RBFOX1: variants seen among roughly 807,000 people sequenced by gnomAD.
RBFOX1 encodes RNA binding fox-1 homolog 1.
In RBFOX1, 8 loss-of-function variants were observed where a neutral mutation model predicts 57.7. The observed-to-expected ratio is 0.14, with a 90% CI of 0.08 to 0.25. RBFOX1 has a LOEUF of 0.25. Among genes scored for constraint, RBFOX1 ranks in the 10% least tolerant of loss-of-function variants. The probability of loss-of-function intolerance (pLI) is 1.00; values close to 1 mark genes in which losing one functional copy is unlikely to be tolerated. For synonymous variants in RBFOX1, 326 were observed against 222.4 expected (o/e 1.47, Z -4.15); for missense variants, 611 against 548.5 (o/e 1.11, Z -1.14).
intron 3 of RBFOX1, among the ~76,000 whole-genome samples, chr16:5,818,214 C>G (rs1435357053): frequency 6.6e-6 from 1 of 152,184 alleles, no homozygotes; most frequent in Non-Finnish European, 1.5e-5. Flanking sequence ...CTGTATCTGA[C>G]TCAATGGTGC....
intron 4 of RBFOX1, among the ~76,000 whole-genome samples, chr16:7,505,471 G>C (rs775871690): frequency 3.3e-5 from 5 of 152,178 alleles, no homozygotes; most frequent in Non-Finnish European, 1.5e-5. Context: ...CATTTTTTAA[G>C]GGCTAAGCAC....
intron 2 of RBFOX1, among the ~76,000 whole-genome samples, chr16:6,510,214 G>A (rs1468377271): frequency 6.6e-6 from 1 of 152,212 alleles, no homozygotes; most frequent in Admixed American, 6.5e-5. Context: ...TAGCCCCTTT[G>A]TCTCATGTGG....
intron 4 of RBFOX1, among the ~76,000 whole-genome samples, chr16:7,512,584 C>G (rs549171066): frequency 7.2e-5 from 11 of 152,162 alleles, no homozygotes; most frequent in Non-Finnish European, 1.5e-4. Context: ...ATCTGGAGTC[C>G]CATGTTCCTG....
At chr16:5,791,539 G>A (rs1057251938) in intron 3 of RBFOX1, among the ~76,000 whole-genome samples, 4 of 152,090 alleles carry the variant, frequency 2.6e-5, no homozygotes, top group African/African-American at 9.7e-5. Context: ...TAACTGACAG[G>A]CAGGCAGCAC....
intron 2 of RBFOX1, chr16:6,483,296 GC>G: frequency 7.2e-7 from 1 of 1,389,600 alleles, no homozygotes; most frequent in East Asian, 2.8e-5. Context: ...CGGGCTGCTC[GC>G]TCTCGCGCCC....
At chr16:5,951,860 G>A (rs1953755108) in intron 4 of RBFOX1, among the ~76,000 whole-genome samples, 1 of 151,958 alleles carries the variant, frequency 6.6e-6, no homozygotes, top group African/African-American at 2.4e-5. Flanking sequence ...GCGCGTGTGT[G>A]TGTGTATATA....
chr16:5,381,411 T>C (rs554792337), intron 1 of RBFOX1, among the ~76,000 whole-genome samples: 1 of 152,328 alleles, frequency 6.6e-6, no homozygotes, highest in Non-Finnish European at 1.5e-5. Context: ...AACAGGCACA[T>C]AAATCACTTG....
At chr16:6,199,689 T>C (rs543093315) in intron 1 of RBFOX1, among the ~76,000 whole-genome samples, 15 of 152,318 alleles carry the variant, frequency 9.8e-5, no homozygotes, top group South Asian at 2.1e-4. Context: ...TCAAACTTCT[T>C]TGGGGAGAGA....
At chr16:7,124,842 T>C (rs866130573) in intron 4 of RBFOX1, among the ~76,000 whole-genome samples, 1 of 152,100 alleles carries the variant, frequency 6.6e-6, no homozygotes, top group Admixed American at 6.5e-5. Context: ...TGTATGACTC[T>C]GATTCATAAA....
At chr16:6,605,313 C>G (rs1227185528) in intron 2 of RBFOX1, among the ~76,000 whole-genome samples, 1 of 152,160 alleles carries the variant, frequency 6.6e-6, no homozygotes, top group Non-Finnish European at 1.5e-5. Flanking sequence ...CTATACTTCA[C>G]CTTCCCAACA....
chr16:7,701,120 C>G (rs746213526), intron 14 of RBFOX1, among the ~76,000 whole-genome samples: 3 of 150,190 alleles, frequency 2.0e-5, no homozygotes, highest in African/African-American at 7.6e-5. Context: ...TGAAGTTAAG[C>G]GCTTTAAAGA....
intron 3 of RBFOX1, among the ~76,000 whole-genome samples, chr16:5,796,138 T>A (rs2054870296): frequency 2.0e-5 from 3 of 152,152 alleles, no homozygotes. Flanking sequence ...TTTTGGAAGG[T>A]CATAAGCAGC....
At chr16:5,456,139 G>T (rs556487072) in intron 1 of RBFOX1, among the ~76,000 whole-genome samples, 2 of 151,888 alleles carry the variant, frequency 1.3e-5, no homozygotes, top group East Asian at 1.9e-4. Context: ...TTAACATGAG[G>T]TTATGCTATC....
intron 4 of RBFOX1, among the ~76,000 whole-genome samples, chr16:7,238,124 G>A (rs1214715395): frequency 6.6e-6 from 1 of 152,146 alleles, no homozygotes; most frequent in Non-Finnish European, 1.5e-5. Flanking sequence ...TATATGAGGT[G>A]CCCATAGTTG....
At chr16:6,741,284 T>A (rs1603485312) in intron 3 of RBFOX1, among the ~76,000 whole-genome samples, 1 of 152,046 alleles carries the variant, frequency 6.6e-6, no homozygotes, top group Non-Finnish European at 1.5e-5. Flanking sequence ...TTTCAGGCAA[T>A]CCTATAGGAA....
rs576762258 is a variant in RBFOX1, at chr16:5,728,209, G to A, written c.318+129248G>A. ...GCCAAGATATACAAACAACTTAAGTGTCCATTGACAGAGAACGAATACAGA... is the reference window on the plus strand; with the variant it reads ...GCCAAGATATACAAACAACTTAAGTATCCATTGACAGAGAACGAATACAGA... On this transcript the variant is annotated intron_variant, in intron 3 of 19. Transcript: ENST00000641259. Among the ~76,000 whole-genome samples the A allele has an allele frequency of 3.3e-5, 5 of 152,334 alleles. No individual in the cohort carries two copies. In the South Asian group the frequency reaches 1.0e-3, roughly 32 times the overall value.
intron 3 of RBFOX1, among the ~76,000 whole-genome samples, chr16:7,022,533 C>G (rs1398588295): frequency 6.6e-6 from 1 of 152,034 alleles, no homozygotes; most frequent in East Asian, 1.9e-4. Context: ...AGGTCAGGAA[C>G]TAGGCCTTTT....
At chr16:5,277,480 T>C (rs980909269) in intron 1 of RBFOX1, among the ~76,000 whole-genome samples, 2 of 150,200 alleles carry the variant, frequency 1.3e-5, no homozygotes, top group Non-Finnish European at 3.0e-5. Flanking sequence ...AAATTGTTAA[T>C]AGTCACTTTC....
chr16:6,847,388 C>T (rs559775112), intron 3 of RBFOX1, among the ~76,000 whole-genome samples: 1 of 152,148 alleles, frequency 6.6e-6, no homozygotes, highest in East Asian at 1.9e-4. Context: ...TGTGCACATT[C>T]TGGGGCCGGG....
Sources: allele counts gnomAD v4.1 joint callset (sites outside exome capture counted in the v4.1 genomes callset), GRCh38; gene constraint gnomAD v4.1.1; transcripts MANE v1.5; gene names NCBI Gene and HGNC (gene_info 2026-07-23, HGNC 2026-07-21).